Variants in PBX3 observed in about 807,000 individuals in gnomAD.
The protein encoded by PBX3 is pre-B-cell leukemia transcription factor 3.
In PBX3, 14 loss-of-function variants were observed where a neutral mutation model predicts 48.5. The ratio of observed to expected loss-of-function variants is 0.29; its 90% CI spans 0.19 to 0.45. PBX3 has a LOEUF of 0.45. Among genes scored for constraint, PBX3 ranks in the 20% least tolerant of loss-of-function variants. The pLI is 1.00. For missense variants in PBX3, 386 were observed against 546.7 expected (o/e 0.71, Z 2.93); for synonymous variants, 210 against 200.3 (o/e 1.05, Z -0.41).
At chr9:125,817,022 A>G (rs1312777804) in intron 2 of PBX3, among the ~76,000 whole-genome samples, 1 of 152,182 alleles carries the variant, frequency 6.6e-6, no homozygotes, top group African/African-American at 2.4e-5. Context: ...TCACCTTGTT[A>G]AAAGGTGAAA....
chr9:125,923,679 C>T (rs375434874), intron 3 of PBX3, among the ~76,000 whole-genome samples: 23 of 152,160 alleles, frequency 1.5e-4, no homozygotes, highest in African/African-American at 5.1e-4. Flanking sequence ...GATTCTCCTA[C>T]CTCAGCCTCC....
intron 2 of PBX3, among the ~76,000 whole-genome samples, chr9:125,872,910 A>T (rs1382372368): frequency 6.6e-6 from 1 of 151,708 alleles, no homozygotes; most frequent in African/African-American, 2.4e-5. Context: ...AAAAATTGAC[A>T]GAATTTCGGC....
At chr9:125,961,781 T>C (rs1023411628) in intron 6 of PBX3, among the ~76,000 whole-genome samples, 1 of 152,126 alleles carries the variant, frequency 6.6e-6, no homozygotes, top group Non-Finnish European at 1.5e-5. Flanking sequence ...TGGAGATGAG[T>C]GGAAACAAGG....
At chr9:125,952,989 AAT>A (rs1842224413) in intron 5 of PBX3, among the ~76,000 whole-genome samples, 1 of 152,002 alleles carries the variant, frequency 6.6e-6, no homozygotes, top group Admixed American at 6.5e-5. Context: ...TTTTTACCAA[AAT>A]AAAAAAAAAA....
intron 5 of PBX3, among the ~76,000 whole-genome samples, chr9:125,951,758 A>C (rs1378431356): frequency 6.6e-6 from 1 of 152,164 alleles, no homozygotes; most frequent in East Asian, 1.9e-4. Flanking sequence ...CATAGGCAGG[A>C]AATTGCAGAG....
At chr9:125,778,372 C>A (rs936133923) in intron 2 of PBX3, among the ~76,000 whole-genome samples, 7 of 152,052 alleles carry the variant, frequency 4.6e-5, no homozygotes, top group African/African-American at 1.7e-4. Context: ...AATTCTCTGC[C>A]TCAGCCTCCC....
chr9:125,864,303 C>T (rs1056422929), intron 2 of PBX3, among the ~76,000 whole-genome samples: 4 of 152,078 alleles, frequency 2.6e-5, no homozygotes, highest in African/African-American at 9.7e-5. Context: ...TTAGAGTGTA[C>T]TGCCTGGCTG....
At chr9:125,834,164 C>T (rs74344636) in intron 2 of PBX3, among the ~76,000 whole-genome samples, 3,158 of 152,060 alleles carry the variant, frequency 0.021, 173 homozygotes, top group East Asian at 0.17. Flanking sequence ...AGAATAATTT[C>T]GAAGCATGAT....
At chr9:125,774,740 TTTCAA>T (rs2132011475) in intron 2 of PBX3, among the ~76,000 whole-genome samples, 1 of 152,320 alleles carries the variant, frequency 6.6e-6, no homozygotes, top group South Asian at 2.1e-4. Flanking sequence ...GATTACCTGT[TTTCAA>T]TTCTTTTGGT....
At chr9:125,898,992 A>T (rs1266932112) in intron 2 of PBX3, among the ~76,000 whole-genome samples, 1 of 151,400 alleles carries the variant, frequency 6.6e-6, no homozygotes, top group Non-Finnish European at 1.5e-5. Context: ...AACAACTCTC[A>T]GAAACCCATT....
chr9:125,937,461 G>A (rs751714549), intron 5 of PBX3, among the ~76,000 whole-genome samples: 11 of 152,022 alleles, frequency 7.2e-5, no homozygotes, highest in Non-Finnish European at 1.6e-4. Flanking sequence ...TGAGAAAAAG[G>A]TACAGAGGTA....
chr9:125,785,921 T>C (rs1306216634), intron 2 of PBX3, among the ~76,000 whole-genome samples: 1 of 151,374 alleles, frequency 6.6e-6, no homozygotes, highest in Non-Finnish European at 1.5e-5. Flanking sequence ...ACTCTCATTT[T>C]AAAGGTGACT....
rs1173158404 is a variant in PBX3 at position 125,892,153 on chromosome 9, C to T, written c.275-23533C>T. On this transcript the variant is annotated intron_variant, in intron 2 of 8. Coordinates refer to ENST00000373489, the MANE Select transcript of PBX3 (RefSeq NM_006195.6). ...GGTCAGGCTGATCTCCAACTCCTGACTTCAAGTGATTTGCCCACCAAGGCC... is the reference window on the plus strand; with the variant it reads ...GGTCAGGCTGATCTCCAACTCCTGATTTCAAGTGATTTGCCCACCAAGGCC... Among the ~76,000 whole-genome samples, 3 of 152,114 alleles carry T rather than the reference C, an allele frequency of 2.0e-5. No homozygotes were observed. In the East Asian group the frequency reaches 5.8e-4, roughly 29 times the overall value.
intron 2 of PBX3, among the ~76,000 whole-genome samples, chr9:125,903,528 A>G (rs559667859): frequency 6.6e-6 from 1 of 151,982 alleles, no homozygotes; most frequent in South Asian, 2.1e-4. Context: ...GTATTTTTGA[A>G]AAATACACCT....
chr9:125,865,751 A>T (rs892988293), intron 2 of PBX3, among the ~76,000 whole-genome samples: 1 of 152,228 alleles, frequency 6.6e-6, no homozygotes, highest in Admixed American at 6.5e-5. Context: ...AACCTATTAT[A>T]AAAAAGCTAA....
chr9:125,791,122 G>T (rs555090342), intron 2 of PBX3, among the ~76,000 whole-genome samples: 3 of 151,888 alleles, frequency 2.0e-5, no homozygotes, highest in Admixed American at 1.3e-4. Flanking sequence ...TGCCATTTTG[G>T]CCAGGCTAGT....
At chr9:125,931,470 G>A (rs887566811) in intron 4 of PBX3, among the ~76,000 whole-genome samples, 2 of 152,006 alleles carry the variant, frequency 1.3e-5, no homozygotes, top group Admixed American at 6.6e-5. Flanking sequence ...GATAATTTTT[G>A]TATTTTTTGT....
rs147967265 is a variant in PBX3, at chr9:125,813,108, T to A, written c.274+64485T>A. Among the ~76,000 whole-genome samples, 1,388 of 152,352 alleles carry A rather than the reference T, an allele frequency of 9.1e-3. 29 individuals carry two copies. The highest frequency in any genetic ancestry group is 0.031 in the African/African-American group (1,303 of 41,584). ...TACCCTTAGCTTACTATAACCTTTT[T>A]ACTATATAAACTTTAATTTTTAACT... On this transcript the variant is annotated intron_variant, in intron 2 of 8. Transcript: ENST00000373489.
chr9:125,876,562 G>A (rs768229642), intron 2 of PBX3, among the ~76,000 whole-genome samples: 3 of 152,056 alleles, frequency 2.0e-5, no homozygotes, highest in Non-Finnish European at 4.4e-5. Context: ...ACTTTATTGG[G>A]AGAACTCAGT....
Sources: allele counts gnomAD v4.1 joint callset (sites outside exome capture counted in the v4.1 genomes callset), GRCh38; gene constraint gnomAD v4.1.1; transcripts MANE v1.5; gene names NCBI Gene and HGNC (gene_info 2026-07-23, HGNC 2026-07-21).